CADM2: variants seen among roughly 807,000 people sequenced by gnomAD.
CADM2 encodes cell adhesion molecule 2, also known as immunoglobulin superfamily member 4D.
CADM2 carries 12 observed loss-of-function variants against 49.8 expected under a neutral mutation model. The observed-to-expected ratio is 0.24, with a 90% CI of 0.15 to 0.39. CADM2 has a LOEUF of 0.39. Ranked by LOEUF, CADM2 falls within the 10% of genes least tolerant of loss-of-function variation. The probability of loss-of-function intolerance (pLI) is 1.00; values close to 1 mark genes in which losing one functional copy is unlikely to be tolerated. For synonymous variants in CADM2, 214 were observed against 175.4 expected, an observed-to-expected ratio of 1.22 and a Z score of -1.74; for missense variants, 378 against 492.3, an observed-to-expected ratio of 0.77 and a Z score of 2.20.
intron 1 of CADM2, among the ~76,000 whole-genome samples, chr3:85,252,172 A>G (rs1576214771): frequency 1.3e-5 from 2 of 152,046 alleles, no homozygotes; most frequent in East Asian, 3.8e-4. Flanking sequence ...GATCCACTAA[A>G]GAGATACCAT....
At chr3:85,127,108 T>C (rs1166321125) in intron 1 of CADM2, among the ~76,000 whole-genome samples, 1 of 152,156 alleles carries the variant, frequency 6.6e-6, no homozygotes, top group East Asian at 1.9e-4. Context: ...CATTTTACCA[T>C]TTAAAACAAA....
chr3:85,828,335 A>G (rs1445126902), intron 3 of CADM2, among the ~76,000 whole-genome samples: 1 of 151,962 alleles, frequency 6.6e-6, no homozygotes, highest in Non-Finnish European at 1.5e-5. Context: ...TCTGTGTTCT[A>G]AACAAAAATA....
At chr3:85,291,566 C>T (rs1182024924) in intron 1 of CADM2, among the ~76,000 whole-genome samples, 1 of 147,208 alleles carries the variant, frequency 6.8e-6, no homozygotes, top group East Asian at 1.9e-4. Flanking sequence ...CAAAGGGAAG[C>T]CCATCAGACT....
At chr3:85,290,795 C>T (rs2043769580) in intron 1 of CADM2, among the ~76,000 whole-genome samples, 1 of 152,186 alleles carries the variant, frequency 6.6e-6, no homozygotes, top group Non-Finnish European at 1.5e-5. Context: ...TGTACATCAC[C>T]ATCATCAAAG....
intron 1 of CADM2, among the ~76,000 whole-genome samples, chr3:85,275,944 A>G (rs953013919): frequency 2.0e-5 from 3 of 151,258 alleles, no homozygotes; most frequent in African/African-American, 7.3e-5. Context: ...GAGAACTATT[A>G]TTGGTATTTC....
At chr3:85,403,895 A>G (rs1576491594) in intron 1 of CADM2, among the ~76,000 whole-genome samples, 1 of 152,106 alleles carries the variant, frequency 6.6e-6, no homozygotes, top group East Asian at 1.9e-4. Flanking sequence ...AATCAGAAGT[A>G]TTGTACTTTT....
chr3:85,915,020 CCA>C (rs1559739427), intron 6 of CADM2, among the ~76,000 whole-genome samples: 1 of 152,094 alleles, frequency 6.6e-6, no homozygotes, highest in Admixed American at 6.6e-5. Context: ...TTATTCCACG[CCA>C]CAGTCACAGA....
intron 1 of CADM2, among the ~76,000 whole-genome samples, chr3:85,011,153 C>T (rs1006632460): frequency 1.3e-5 from 2 of 151,756 alleles, no homozygotes; most frequent in Admixed American, 1.3e-4. Flanking sequence ...CGTGAGCCAC[C>T]GCGCCCAGGC....
intron 1 of CADM2, among the ~76,000 whole-genome samples, chr3:85,253,064 G>T (rs946602788): frequency 1.3e-5 from 2 of 151,960 alleles, no homozygotes; most frequent in Admixed American, 1.3e-4. Flanking sequence ...AAAACCAAAA[G>T]AAACCAAAAG....
intron 8 of CADM2, chr3:86,013,459 G>A: frequency 1.3e-6 from 2 of 1,590,496 alleles, no homozygotes; most frequent in East Asian, 2.2e-5. Flanking sequence ...CTGCTGGAGT[G>A]CCAGATAAAT....
At chr3:85,657,394 A>G (rs1420239215) in intron 1 of CADM2, among the ~76,000 whole-genome samples, 3 of 152,118 alleles carry the variant, frequency 2.0e-5, no homozygotes, top group Admixed American at 6.6e-5. Context: ...AAGGGTTCTC[A>G]GTAAATGTTA....
chr3:85,510,466 A>T (rs1220230627), intron 1 of CADM2, among the ~76,000 whole-genome samples: 2 of 152,046 alleles, frequency 1.3e-5, no homozygotes, highest in Non-Finnish European at 1.5e-5. Context: ...TTACATTCCG[A>T]AAATTGCCTA....
intron 3 of CADM2, among the ~76,000 whole-genome samples, chr3:85,878,346 A>G (rs1712227665): frequency 6.6e-6 from 1 of 152,164 alleles, no homozygotes; most frequent in Non-Finnish European, 1.5e-5. Context: ...TGATTAAACT[A>G]TAATGAAGCT....
intron 1 of CADM2, among the ~76,000 whole-genome samples, chr3:85,012,781 C>T (rs969822850): frequency 6.6e-6 from 1 of 150,992 alleles, no homozygotes; most frequent in Non-Finnish European, 1.5e-5. Context: ...AATTATAAAT[C>T]ATTGGATATT....
intron 6 of CADM2, among the ~76,000 whole-genome samples, chr3:85,916,934 A>AT (rs1281106136): frequency 6.6e-6 from 1 of 151,866 alleles, no homozygotes; most frequent in African/African-American, 2.4e-5. Flanking sequence ...GATGATGAGC[A>AT]TTTTTTCATG....
intron 1 of CADM2, among the ~76,000 whole-genome samples, chr3:85,057,096 A>G (rs1241764571): frequency 6.6e-6 from 1 of 152,152 alleles, no homozygotes; most frequent in Non-Finnish European, 1.5e-5. Flanking sequence ...TGAACAGAAT[A>G]TATTGACAGA....
At chr3:85,434,041 A>G (rs944823471) in intron 1 of CADM2, among the ~76,000 whole-genome samples, 22 of 152,218 alleles carry the variant, frequency 1.4e-4, no homozygotes, top group African/African-American at 5.1e-4. Flanking sequence ...AACTTACAGT[A>G]TGAGTCGATT....
intron 1 of CADM2, among the ~76,000 whole-genome samples, chr3:85,495,114 T>C (rs769977662): frequency 1.3e-5 from 2 of 152,188 alleles, no homozygotes; most frequent in Non-Finnish European, 2.9e-5. Context: ...GACAGTCAAG[T>C]GAATTTAAAC....
intron 3 of CADM2, among the ~76,000 whole-genome samples, chr3:85,881,345 A>C (rs1001274121): frequency 6.6e-6 from 1 of 152,076 alleles, no homozygotes; most frequent in African/African-American, 2.4e-5. Context: ...GTTGCTTAAA[A>C]ATTTTTGTCA....
Sources: gnomAD v4.1 joint callset for allele counts (sites outside exome capture counted in the v4.1 genomes callset) on GRCh38, gnomAD v4.1.1 for gene constraint, MANE v1.5 for transcripts, NCBI Gene and HGNC (gene_info 2026-07-23, HGNC 2026-07-21) for gene names.